The following CDKAL1 variants were observed in gnomAD, a reference collection of about 807,000 sequenced individuals.
The protein encoded by CDKAL1 is CDKAL1 threonylcarbamoyladenosine tRNA methylthiotransferase.
A neutral mutation model predicts 68.2 loss-of-function variants in CDKAL1; 32 were observed. That is an observed-to-expected ratio of 0.47 (90% confidence interval 0.35 to 0.63). The LOEUF (loss-of-function observed/expected upper bound fraction) is 0.63. Ranked by LOEUF, CDKAL1 falls within the 30% of genes least tolerant of loss-of-function variation. The pLI is 0.00. For missense variants in CDKAL1, 606 were observed against 696.7 expected, an observed-to-expected ratio of 0.87 and a Z score of 1.47; for synonymous variants, 234 against 244.3, an observed-to-expected ratio of 0.96 and a Z score of 0.39.
intron 7 of CDKAL1, among the ~76,000 whole-genome samples, chr6:20,774,689 T>C (rs537318158): frequency 7.2e-5 from 11 of 152,368 alleles, no homozygotes; most frequent in Middle Eastern, 3.4e-3. Context: ...CATTTCAGTA[T>C]TATGAATTCA....
intron 4 of CDKAL1, among the ~76,000 whole-genome samples, chr6:20,589,452 G>C (rs1281865506): frequency 1.3e-5 from 2 of 152,204 alleles, no homozygotes. Context: ...CAATGAAATT[G>C]AAAGGCTTAG....
intron 5 of CDKAL1, among the ~76,000 whole-genome samples, chr6:20,658,627 G>C (rs1769139150): frequency 6.9e-6 from 1 of 144,096 alleles, no homozygotes; most frequent in Admixed American, 6.8e-5. Context: ...GGAGGTACCA[G>C]AATATTATTT....
chr6:21,042,822 C>T (rs1210999197), intron 11 of CDKAL1, among the ~76,000 whole-genome samples: 1 of 152,150 alleles, frequency 6.6e-6, no homozygotes. Context: ...TGGTCCTAAC[C>T]TCCTTGTTAG....
intron 13 of CDKAL1, among the ~76,000 whole-genome samples, chr6:21,119,154 C>A (rs929174995): frequency 6.6e-6 from 1 of 152,104 alleles, no homozygotes; most frequent in Non-Finnish European, 1.5e-5. Flanking sequence ...CTTCCTCTTT[C>A]TTCCTGTTGA....
At position 20,648,222 on chromosome 6, in the gene CDKAL1, G is replaced by A. The variant is rs573272076; in HGVS notation, c.287-1071G>A. The stretch of plus-strand genomic sequence containing the variant: ...CGGCTCACTGCAACCTCTGCCTCCC[G>A]GGTTCAAGCAATTCTCTGCCTCAGC... On this transcript the variant is annotated intron_variant, in intron 4 of 15. Coordinates refer to ENST00000274695, the MANE Select transcript of CDKAL1 (RefSeq NM_017774.3). 1.8e-4 allele frequency among the ~76,000 whole-genome samples: 27 copies of A among 150,046 alleles called. No homozygotes were observed. The East Asian group carries it at 4.6e-3, about 25-fold the overall frequency.
chr6:20,924,744 A>G (rs966015813), intron 9 of CDKAL1, among the ~76,000 whole-genome samples: 21 of 152,208 alleles, frequency 1.4e-4, no homozygotes, highest in African/African-American at 5.1e-4. Context: ...CATAACATAA[A>G]AGTGCAGGGT....
chr6:20,806,431 C>T (rs9465897), intron 8 of CDKAL1, among the ~76,000 whole-genome samples: 43,281 of 151,946 alleles, frequency 0.28, 6,690 homozygotes, highest in East Asian at 0.53. Flanking sequence ...AATAGTGCTG[C>T]GCTGAACATA....
At chr6:20,622,867 C>T (rs1434863702) in intron 4 of CDKAL1, among the ~76,000 whole-genome samples, 1 of 151,908 alleles carries the variant, frequency 6.6e-6, no homozygotes, top group Admixed American at 6.6e-5. Flanking sequence ...GTACAACTCT[C>T]ATTTTATAGA....
At chr6:20,628,202 A>G (rs1767516214) in intron 4 of CDKAL1, among the ~76,000 whole-genome samples, 2 of 152,152 alleles carry the variant, frequency 1.3e-5, no homozygotes, top group African/African-American at 2.4e-5. Context: ...TTGTCTTTCA[A>G]TGAGTAAGTC....
At chr6:21,183,847 G>A (rs1427514299) in intron 13 of CDKAL1, among the ~76,000 whole-genome samples, 1 of 152,110 alleles carries the variant, frequency 6.6e-6, no homozygotes, top group Non-Finnish European at 1.5e-5. Context: ...CATTACTGTT[G>A]TAAACCAGAA....
At chr6:20,802,212 C>T (rs942991686) in intron 8 of CDKAL1, among the ~76,000 whole-genome samples, 1 of 151,758 alleles carries the variant, frequency 6.6e-6, no homozygotes, top group Admixed American at 6.6e-5. Context: ...GCAGGAGAAT[C>T]ATGTGAACCC....
chr6:20,572,444 C>T (rs564821958), intron 4 of CDKAL1, among the ~76,000 whole-genome samples: 4 of 152,216 alleles, frequency 2.6e-5, no homozygotes, highest in Non-Finnish European at 4.4e-5. Flanking sequence ...TGTCTGGATC[C>T]AGACAGCAAT....
intron 15 of CDKAL1, among the ~76,000 whole-genome samples, chr6:21,227,159 C>G (rs372452348): frequency 6.6e-6 from 1 of 152,232 alleles, no homozygotes; most frequent in African/African-American, 2.4e-5. Flanking sequence ...TCTAGAACTA[C>G]GCTTGTCGTG....
rs567645268 is a variant in CDKAL1 at position 20,893,180 on chromosome 6, A to G, written c.742+47002A>G. Among the ~76,000 whole-genome samples, 6 of 152,366 alleles carry G rather than the reference A, an allele frequency of 3.9e-5. 1 individual carries two copies. Among genetic ancestry groups the G allele is most frequent in the South Asian group, 4.1e-4 (2 of 4,830 alleles). ...TGACTTGGCATCACAAAAGAAGCGC[A>G]TTAGAACATCTTAATAATGTACTAA... On this transcript the variant is annotated intron_variant, in intron 9 of 15. Coordinates refer to ENST00000274695, the MANE Select transcript of CDKAL1 (RefSeq NM_017774.3).
chr6:20,573,059 G>T (rs1230617271), intron 4 of CDKAL1, among the ~76,000 whole-genome samples: 1 of 152,118 alleles, frequency 6.6e-6, no homozygotes, highest in Admixed American at 6.6e-5. Context: ...AAATTAGCTT[G>T]TAGCCAGAGT....
At chr6:20,731,957 G>A (rs1445145096) in intron 5 of CDKAL1, among the ~76,000 whole-genome samples, 1 of 152,120 alleles carries the variant, frequency 6.6e-6, no homozygotes, top group Non-Finnish European at 1.5e-5. Context: ...GACATCTGGT[G>A]AAAGATTTCC....
chr6:20,919,371 A>G (rs1762850588), intron 9 of CDKAL1, among the ~76,000 whole-genome samples: 1 of 152,192 alleles, frequency 6.6e-6, no homozygotes, highest in South Asian at 2.1e-4. Flanking sequence ...GAAGGAATGA[A>G]GACTGCTCAT....
intron 9 of CDKAL1, among the ~76,000 whole-genome samples, chr6:20,854,740 A>G (rs1759233356): frequency 6.6e-6 from 1 of 152,260 alleles, no homozygotes; most frequent in Non-Finnish European, 1.5e-5. Flanking sequence ...AATGAAAATC[A>G]TAGTGCAGTC....
At chr6:20,641,921 T>C (rs1768196391) in intron 4 of CDKAL1, among the ~76,000 whole-genome samples, 1 of 152,196 alleles carries the variant, frequency 6.6e-6, no homozygotes. Context: ...ATATATTTGC[T>C]AGTTTTTTCT....
Sources: allele counts gnomAD v4.1 joint callset (sites outside exome capture counted in the v4.1 genomes callset), GRCh38; gene constraint gnomAD v4.1.1; transcripts MANE v1.5; gene names NCBI Gene and HGNC (gene_info 2026-07-23, HGNC 2026-07-21).